Variants in EPHA3 observed in about 807,000 individuals in gnomAD.
The protein encoded by EPHA3 is ephrin type-A receptor 3.
In EPHA3, 42 loss-of-function variants were observed where a neutral mutation model predicts 107.1. That is an observed-to-expected ratio of 0.39 (90% confidence interval 0.31 to 0.51). The LOEUF (loss-of-function observed/expected upper bound fraction) is 0.51, where lower values mean the gene tolerates loss of function less well. Among genes scored for constraint, EPHA3 ranks in the 20% least tolerant of loss-of-function variants. The pLI, the probability that EPHA3 is intolerant of heterozygous loss-of-function variation, is 0.78. For synonymous variants in EPHA3, 461 were observed against 424.8 expected (o/e 1.09, Z -1.05); for missense variants, 1,183 against 1,211.2 (o/e 0.98, Z 0.35).
At chr3:89,247,789 T>C (rs764934894) in intron 3 of EPHA3, among the ~76,000 whole-genome samples, 9 of 151,994 alleles carry the variant, frequency 5.9e-5, no homozygotes, top group Non-Finnish European at 1.3e-4. Flanking sequence ...GTAAAAGATA[T>C]GATTGACATG....
chr3:89,419,496 A>C, intron 11 of EPHA3, 106 bp downstream of exon 11: 3 of 955,734 alleles, frequency 3.1e-6, no homozygotes, highest in Non-Finnish European at 4.5e-6. Flanking sequence ...TAAGTATCTC[A>C]GTTTTACCAA....
chr3:89,350,701 T>C (rs1273220926), intron 5 of EPHA3, among the ~76,000 whole-genome samples: 2 of 151,098 alleles, frequency 1.3e-5, no homozygotes, highest in Non-Finnish European at 3.0e-5. Context: ...CTCTGCGTTT[T>C]AGAGTTTCCA....
intron 3 of EPHA3, among the ~76,000 whole-genome samples, chr3:89,335,467 T>C (rs1226151254): frequency 6.6e-6 from 1 of 152,186 alleles, no homozygotes; most frequent in East Asian, 1.9e-4. Flanking sequence ...ATTCACATCA[T>C]AGCAAGTGTC....
Position 89,476,224 on chromosome 3 carries a change from T to TTATA in EPHA3, c.2847-3163_2847-3160dup, listed in dbSNP as rs537350448. ...ATAAACATGTATATATATAAGCATA[T>TTATA]TATATATATATATGTTTGCTTATAT... On this transcript the variant is annotated intron_variant, in intron 16 of 16. Coordinates refer to ENST00000336596, the MANE Select transcript of EPHA3 (RefSeq NM_005233.6). 1.1e-4 allele frequency among the ~76,000 whole-genome samples: 16 copies of TTATA among 147,012 alleles called. No homozygotes were observed. In the East Asian group the frequency reaches 2.2e-3, roughly 20 times the overall value.
At chr3:89,340,895 A>G in intron 3 of EPHA3, 21 bp from the exon 4 acceptor site, 1 of 1,580,024 alleles carries the variant, frequency 6.3e-7, no homozygotes, top group Non-Finnish European at 8.6e-7. Flanking sequence ...GACTTTTAAA[A>G]GAGAGTCATT....
intron 2 of EPHA3, among the ~76,000 whole-genome samples, chr3:89,136,330 CTTTTTTTTTTT>C (rs67054298): frequency 4.3e-5 from 1 of 23,370 alleles, no homozygotes; most frequent in Non-Finnish European, 7.8e-5. Context: ...ATCTTACAGG[CTTTTTTTTTTT>C]TTTTTTTTTT....
intron 2 of EPHA3, among the ~76,000 whole-genome samples, chr3:89,177,093 C>G (rs572845531): frequency 6.6e-6 from 1 of 151,808 alleles, no homozygotes; most frequent in Non-Finnish European, 1.5e-5. Context: ...TGTGTGTGTG[C>G]ACGTGTGTAT....
At chr3:89,440,529 G>A (rs1375876680) in intron 13 of EPHA3, among the ~76,000 whole-genome samples, 2 of 152,116 alleles carry the variant, frequency 1.3e-5, no homozygotes, top group East Asian at 1.9e-4. Flanking sequence ...TTGAAGCCCC[G>A]TAACCCATAC....
intron 3 of EPHA3, among the ~76,000 whole-genome samples, chr3:89,312,312 GT>G (rs1291534305): frequency 8.1e-5 from 12 of 148,996 alleles, no homozygotes; most frequent in African/African-American, 2.9e-4. Context: ...TGGGGAAGAC[GT>G]TTTTTAGAGA....
chr3:89,188,514 T>A (rs145624122), intron 2 of EPHA3, among the ~76,000 whole-genome samples: 63 of 152,332 alleles, frequency 4.1e-4, no homozygotes, highest in Admixed American at 1.3e-3. Flanking sequence ...AAATGAAAAA[T>A]TCTAGAACTC....
intron 3 of EPHA3, among the ~76,000 whole-genome samples, chr3:89,307,321 G>A (rs981553625): frequency 2.6e-5 from 4 of 152,082 alleles, no homozygotes; most frequent in Admixed American, 2.0e-4. Context: ...TGGCTAAAAG[G>A]ATTGAGTTGC....
intron 3 of EPHA3, among the ~76,000 whole-genome samples, chr3:89,240,422 CA>C (rs1553670498): frequency 6.6e-6 from 1 of 151,870 alleles, no homozygotes; most frequent in Non-Finnish European, 1.5e-5. Flanking sequence ...GCCTAAAATG[CA>C]ATACATTTGT....
chr3:89,472,923 C>T (rs1710436449), intron 16 of EPHA3, among the ~76,000 whole-genome samples: 1 of 152,108 alleles, frequency 6.6e-6, no homozygotes, highest in South Asian at 2.1e-4. Flanking sequence ...ACTCAAGCCC[C>T]TAATTTAAAA....
chr3:89,439,377 G>A (rs1350455328), intron 13 of EPHA3, among the ~76,000 whole-genome samples: 1 of 152,104 alleles, frequency 6.6e-6, no homozygotes, highest in Admixed American at 6.5e-5. Context: ...AGGGTCGCTT[G>A]AGCCCAGGAG....
At chr3:89,251,864 T>C (rs1705173789) in intron 3 of EPHA3, among the ~76,000 whole-genome samples, 1 of 152,138 alleles carries the variant, frequency 6.6e-6, no homozygotes, top group African/African-American at 2.4e-5. Flanking sequence ...TAATGAGGCA[T>C]TTTACCATTC....
intron 3 of EPHA3, among the ~76,000 whole-genome samples, chr3:89,248,161 C>G (rs1407223980): frequency 6.6e-6 from 1 of 152,156 alleles, no homozygotes; most frequent in East Asian, 1.9e-4. Context: ...GCAACATCTA[C>G]TGCCTGCACT....
In EPHA3 at chr3:89,347,784, G is replaced by T. The variant is rs1054034837; in HGVS notation, c.1306+5694G>T. On this transcript the variant is annotated intron_variant, in intron 5 of 16. Coordinates refer to ENST00000336596, the MANE Select transcript of EPHA3 (RefSeq NM_005233.6). ...GATAGCTCTTATCATTTTGAAATACGTCCCATCAATACCTAATTTATTGAG... is the reference window on the plus strand; with the variant it reads ...GATAGCTCTTATCATTTTGAAATACTTCCCATCAATACCTAATTTATTGAG... Among the ~76,000 whole-genome samples, 5 of 150,522 alleles carry T rather than the reference G, an allele frequency of 3.3e-5. No homozygotes were observed. In the East Asian group the frequency reaches 5.8e-4, roughly 18 times the overall value.
At chr3:89,197,431 A>T (rs1207851915) in intron 2 of EPHA3, among the ~76,000 whole-genome samples, 1 of 7,350 alleles carries the variant, frequency 1.4e-4, no homozygotes, top group Non-Finnish European at 4.2e-4. Flanking sequence ...ATAAAAACAT[A>T]AAAAAAAAAT....
intron 1 of EPHA3, among the ~76,000 whole-genome samples, chr3:89,112,532 GAAATA>G (rs564011213): frequency 2.0e-5 from 3 of 150,788 alleles, no homozygotes; most frequent in Non-Finnish European, 4.4e-5. Context: ...ATTTTTTTCG[GAAATA>G]AAATATATGC....
Sources: allele counts gnomAD v4.1 joint callset (sites outside exome capture counted in the v4.1 genomes callset), GRCh38; gene constraint gnomAD v4.1.1; transcripts MANE v1.5; gene names NCBI Gene and HGNC (gene_info 2026-07-23, HGNC 2026-07-21).